GRIK1: variants seen among roughly 807,000 people sequenced by gnomAD.
GRIK1 encodes glutamate receptor ionotropic, kainate 1.
Under a neutral mutation model 105.7 loss-of-function variants are expected in GRIK1, and 69 were observed. That is an observed-to-expected ratio of 0.65 (90% confidence interval 0.54 to 0.80). GRIK1 has a LOEUF of 0.80. Among genes scored for constraint, GRIK1 ranks in the 30% least tolerant of loss-of-function variants. The probability of loss-of-function intolerance (pLI) is 0.00; values close to 1 mark genes in which losing one functional copy is unlikely to be tolerated. For missense variants in GRIK1, 1,109 were observed against 1,167.3 expected, an observed-to-expected ratio of 0.95 and a Z score of 0.73; for synonymous variants, 438 against 431.3, an observed-to-expected ratio of 1.02 and a Z score of -0.19.
At chr21:29,628,278 C>T (rs1245810529) in intron 7 of GRIK1, among the ~76,000 whole-genome samples, 1 of 152,174 alleles carries the variant, frequency 6.6e-6, no homozygotes, top group Non-Finnish European at 1.5e-5. Flanking sequence ...CTTTAGACCA[C>T]ACAACTTCCT....
At chr21:29,887,429 G>A (rs1284255183) in intron 1 of GRIK1, among the ~76,000 whole-genome samples, 1 of 152,168 alleles carries the variant, frequency 6.6e-6, no homozygotes, top group Non-Finnish European at 1.5e-5. Context: ...ACTCATCACA[G>A]CCTTTGCTTC....
rs905287508 is a variant in GRIK1, at chr21:29,638,286, G to A, written c.1098+4540C>T. ...GTCTTACATGGCAGCAGGAGAGAGA[G>A]GAGAAAGCGAAAGGGGAAGAGCCCC... On this transcript the variant is annotated intron_variant, in intron 7 of 17. Coordinates refer to ENST00000327783, the MANE Select transcript of GRIK1 (RefSeq NM_001330994.2). 3.3e-5 allele frequency among the ~76,000 whole-genome samples: 5 copies of A among 152,214 alleles called. No individual in the cohort carries two copies. In the East Asian group the frequency reaches 9.7e-4, roughly 29 times the overall value.
intron 7 of GRIK1, among the ~76,000 whole-genome samples, chr21:29,629,194 A>ATGTGTGTG (rs71191120): frequency 0.023 from 2,995 of 132,600 alleles, 52 homozygotes; most frequent in African/African-American, 0.048. Flanking sequence ...GAAAGGAGAA[A>ATGTGTGTG]TGTGTGTGTG....
At chr21:29,707,790 T>A (rs2063955012) in intron 1 of GRIK1, among the ~76,000 whole-genome samples, 1 of 152,102 alleles carries the variant, frequency 6.6e-6, no homozygotes, top group Non-Finnish European at 1.5e-5. Context: ...CCTGACTCTA[T>A]CCTATTTTCT....
At chr21:29,555,023 C>T (rs2090213828) in intron 16 of GRIK1, 29 bp downstream of exon 16, 6 of 1,573,710 alleles carry the variant, frequency 3.8e-6, no homozygotes, top group Middle Eastern at 1.7e-4. Flanking sequence ...AAACTATAAA[C>T]TAACCAGTCC....
At chr21:29,792,154 ATATGTGTATATG>A (rs575603802) in intron 1 of GRIK1, among the ~76,000 whole-genome samples, 13 of 152,216 alleles carry the variant, frequency 8.5e-5, no homozygotes, top group South Asian at 2.1e-4. Context: ...TGTATTGTGT[ATATGTGTATATG>A]TATGTGTATA....
intron 6 of GRIK1, among the ~76,000 whole-genome samples, chr21:29,647,745 A>G (rs779458147): frequency 6.6e-6 from 1 of 152,238 alleles, no homozygotes; most frequent in East Asian, 1.9e-4. Flanking sequence ...AAATGTAAAC[A>G]TTATAAAAGA....
At chr21:29,888,496 G>T (rs547456154) in intron 1 of GRIK1, among the ~76,000 whole-genome samples, 1 of 151,572 alleles carries the variant, frequency 6.6e-6, no homozygotes, top group South Asian at 2.1e-4. Context: ...AAACTCCTAG[G>T]CTCAAGAAAT....
Position 29,615,833 on chromosome 21 carries a change from T to C in GRIK1, c.1099-16896A>G, listed in dbSNP as rs115815712. Among the ~76,000 whole-genome samples, 1,434 of 152,280 alleles carry C rather than the reference T, an allele frequency of 9.4e-3. 21 individuals are homozygous for C. Among genetic ancestry groups the C allele is most frequent in the African/African-American group, 0.033 (1,369 of 41,544 alleles). The stretch of plus-strand genomic sequence containing the variant: ...CACCTGGCTCACAATATAACCTCAT[T>C]TTGCCCAACCTCAGTCTCCCGTAAC... On this transcript the variant is annotated intron_variant, in intron 7 of 17. Transcript: ENST00000327783.
At chr21:29,592,645 C>A (rs2061349006) in intron 9 of GRIK1, among the ~76,000 whole-genome samples, 1 of 152,098 alleles carries the variant, frequency 6.6e-6, no homozygotes, top group Non-Finnish European at 1.5e-5. Flanking sequence ...TGATTCTTTA[C>A]CTATAAAGTA....
chr21:29,744,102 T>G (rs2064993835), intron 1 of GRIK1, among the ~76,000 whole-genome samples: 2 of 152,120 alleles, frequency 1.3e-5, no homozygotes, highest in African/African-American at 4.8e-5. Context: ...AAATAGAAAT[T>G]CGTGTACATA....
At position 29,538,097 on chromosome 21, in the gene GRIK1, C is replaced by A. The variant is rs1174894562; in HGVS notation, c.2608-213G>T. Among the ~76,000 whole-genome samples the A allele has an allele frequency of 2.0e-5, 3 of 152,048 alleles. No homozygotes were observed. The East Asian group carries it at 5.8e-4, about 29-fold the overall frequency. On this transcript the variant is annotated intron_variant, in intron 16 of 17. Transcript: ENST00000327783. ...TACATATACAGACAATATATATAATCTGCATTGCAATTATGCTATATCTGT... is the reference window on the plus strand; with the variant it reads ...TACATATACAGACAATATATATAATATGCATTGCAATTATGCTATATCTGT...
intron 1 of GRIK1, among the ~76,000 whole-genome samples, chr21:29,846,799 A>G (rs2068138769): frequency 6.6e-6 from 1 of 152,080 alleles, no homozygotes. Context: ...TTTTGGTTTC[A>G]AGTTTTAATT....
At chr21:29,846,425 AAAAT>A (rs1334590101) in intron 1 of GRIK1, among the ~76,000 whole-genome samples, 2 of 144,150 alleles carry the variant, frequency 1.4e-5, no homozygotes, top group African/African-American at 2.7e-5. Context: ...AAGAAAGAAA[AAAAT>A]AAAGAAGGAA....
chr21:29,578,126 GTAC>G (rs573573792), intron 13 of GRIK1, among the ~76,000 whole-genome samples: 87 of 152,276 alleles, frequency 5.7e-4, no homozygotes, highest in South Asian at 2.3e-3. Flanking sequence ...CACTCCAGTT[GTAC>G]TGATTCACAA....
intron 1 of GRIK1, among the ~76,000 whole-genome samples, chr21:29,732,856 A>G (rs1489798812): frequency 6.6e-6 from 1 of 152,202 alleles, no homozygotes; most frequent in African/African-American, 2.4e-5. Flanking sequence ...TAAGCCTCAG[A>G]AGATCAAAAT....
intron 16 of GRIK1, among the ~76,000 whole-genome samples, chr21:29,542,032 AGTGTGT>A (rs66476053): frequency 1.7e-4 from 25 of 150,416 alleles, no homozygotes; most frequent in South Asian, 6.3e-4. Flanking sequence ...AATAATGTAG[AGTGTGT>A]GTGTGTGTGT....
intron 16 of GRIK1, among the ~76,000 whole-genome samples, chr21:29,552,748 T>C (rs182523670): frequency 5.3e-5 from 8 of 152,176 alleles, no homozygotes; most frequent in African/African-American, 1.9e-4. Flanking sequence ...AGAAGTACTA[T>C]ATAGCTTGAA....
chr21:29,768,990 T>C (rs2065744311), intron 1 of GRIK1, among the ~76,000 whole-genome samples: 1 of 152,230 alleles, frequency 6.6e-6, no homozygotes. Context: ...GTCTTAAGCA[T>C]AGAGGTAACA....
Sources: gnomAD v4.1 joint callset for allele counts (sites outside exome capture counted in the v4.1 genomes callset) on GRCh38, gnomAD v4.1.1 for gene constraint, MANE v1.5 for transcripts, NCBI Gene and HGNC (gene_info 2026-07-23, HGNC 2026-07-21) for gene names.